The following NME7 variants were observed in gnomAD, a reference collection of about 807,000 sequenced individuals.
NME7 encodes the protein nucleoside diphosphate kinase 7.
NME7 carries 41 observed loss-of-function variants against 49.1 expected under a neutral mutation model. The ratio of observed to expected loss-of-function variants is 0.83; its 90% CI spans 0.65 to 1.08. The LOEUF is 1.08. Among genes scored for constraint, NME7 ranks in the 50% least tolerant of loss-of-function variants. The probability of loss-of-function intolerance (pLI) is 0.00; values close to 1 mark genes in which losing one functional copy is unlikely to be tolerated. For missense variants in NME7, 423 were observed against 463.4 expected (o/e 0.91, Z 0.80); for synonymous variants, 139 against 150.6 (o/e 0.92, Z 0.56).
intron 7 of NME7, chr1:169,283,829 T>G (rs1650147337): frequency 6.6e-6 from 1 of 152,242 alleles, no homozygotes; most frequent in African/African-American, 2.4e-5. Flanking sequence ...TTAGTCTGAA[T>G]GGGCTTCTCT....
chr1:169,288,723 A>C (rs1158879899), intron 6 of NME7, among the ~76,000 whole-genome samples: 1 of 152,160 alleles, frequency 6.6e-6, no homozygotes, highest in Non-Finnish European at 1.5e-5. Context: ...TAAGATACCA[A>C]CTGCCTTTCT....
At chr1:169,198,984 C>T (rs1156823264) in intron 10 of NME7, among the ~76,000 whole-genome samples, 1 of 151,706 alleles carries the variant, frequency 6.6e-6, no homozygotes, top group East Asian at 1.9e-4. Flanking sequence ...AATTATAAAA[C>T]AAAAAAGATG....
chr1:169,190,653 T>C (rs1571277895), intron 10 of NME7: 1 of 444,314 alleles, frequency 2.3e-6, no homozygotes, highest in East Asian at 7.3e-5. Context: ...GGAACAGAGA[T>C]GTCTTCTTTA....
intron 1 of NME7, among the ~76,000 whole-genome samples, chr1:169,355,059 ACTATAT>A (rs1653357598): frequency 1.4e-5 from 1 of 73,848 alleles, no homozygotes; most frequent in South Asian, 3.4e-4. Context: ...TATATAATAT[ACTATAT>A]ATTATAGATA....
At chr1:169,153,080 T>C (rs746886521) in intron 11 of NME7, among the ~76,000 whole-genome samples, 1 of 152,154 alleles carries the variant, frequency 6.6e-6, no homozygotes, top group Non-Finnish European at 1.5e-5. Flanking sequence ...GTTTTGGACT[T>C]AGACAAACTT....
chr1:169,201,628 C>G (rs1012273088), intron 10 of NME7, among the ~76,000 whole-genome samples: 2 of 152,134 alleles, frequency 1.3e-5, no homozygotes, highest in African/African-American at 4.8e-5. Flanking sequence ...CAAAGACACA[C>G]TTCAAGGTTT....
At chr1:169,360,163 T>C (rs1056106937) in intron 1 of NME7, among the ~76,000 whole-genome samples, 5 of 152,208 alleles carry the variant, frequency 3.3e-5, no homozygotes, top group African/African-American at 1.2e-4. Context: ...CATACCCATC[T>C]GGAATATGTA....
intron 10 of NME7, among the ~76,000 whole-genome samples, chr1:169,176,191 T>C (rs556059100): frequency 4.3e-4 from 66 of 152,194 alleles, no homozygotes; most frequent in South Asian, 1.2e-3. Context: ...TAATGAAAGA[T>C]GGGGAAGGAA....
intron 10 of NME7, among the ~76,000 whole-genome samples, chr1:169,213,220 C>T (rs951542514): frequency 6.6e-6 from 1 of 152,070 alleles, no homozygotes; most frequent in African/African-American, 2.4e-5. Flanking sequence ...ATATATTGAT[C>T]ATTAATATAT....
intron 3 of NME7, among the ~76,000 whole-genome samples, chr1:169,314,554 G>T (rs1051905989): frequency 6.6e-6 from 1 of 152,032 alleles, no homozygotes; most frequent in African/African-American, 2.4e-5. Context: ...TTAAAGCCAA[G>T]TATATTAGTA....
At chr1:169,161,934 G>T (rs780845916) in intron 11 of NME7, among the ~76,000 whole-genome samples, 1 of 150,942 alleles carries the variant, frequency 6.6e-6, no homozygotes, top group African/African-American at 2.4e-5. Flanking sequence ...CATCACTATC[G>T]TAAAACCTAA....
At chr1:169,200,241 A>G (rs971609315) in intron 10 of NME7, among the ~76,000 whole-genome samples, 1 of 152,088 alleles carries the variant, frequency 6.6e-6, no homozygotes, top group Non-Finnish European at 1.5e-5. Context: ...TTCTGTTGGA[A>G]ACATCCGGGA....
chr1:169,257,563 T>G (rs1231089895), intron 7 of NME7, among the ~76,000 whole-genome samples: 1 of 134,260 alleles, frequency 7.4e-6, no homozygotes, highest in Non-Finnish European at 1.8e-5. Context: ...CCGGAGCTGT[T>G]CCTATTCGGC....
At chr1:169,272,890 G>A (rs1269130411) in intron 7 of NME7, among the ~76,000 whole-genome samples, 1 of 132,858 alleles carries the variant, frequency 7.5e-6, no homozygotes, top group African/African-American at 2.5e-5. Flanking sequence ...CACAATGAAG[G>A]AACTAATTTT....
At chr1:169,204,938 T>C (rs1315424424) in intron 10 of NME7, among the ~76,000 whole-genome samples, 1 of 152,084 alleles carries the variant, frequency 6.6e-6, no homozygotes, top group Non-Finnish European at 1.5e-5. Flanking sequence ...TTCTTGAAGG[T>C]CATAAAACAA....
At chr1:169,241,256 C>A (rs1648075146) in intron 7 of NME7, among the ~76,000 whole-genome samples, 1 of 151,956 alleles carries the variant, frequency 6.6e-6, no homozygotes, top group Non-Finnish European at 1.5e-5. Flanking sequence ...TTTCCCCCTG[C>A]AGATGCATGA....
intron 1 of NME7, among the ~76,000 whole-genome samples, chr1:169,348,665 A>AAAAGCCATTTCAC (rs937624635): frequency 1.3e-5 from 2 of 152,082 alleles, no homozygotes; most frequent in African/African-American, 4.8e-5. Flanking sequence ...ATCCTGCCCA[A>AAAAGCCATTTCAC]AAAGCCATTT....
intron 1 of NME7, among the ~76,000 whole-genome samples, chr1:169,333,867 T>G (rs1434209814): frequency 6.6e-6 from 1 of 152,114 alleles, no homozygotes; most frequent in Non-Finnish European, 1.5e-5. Context: ...AACCCCCTAT[T>G]AAGACAAATC....
intron 4 of NME7, among the ~76,000 whole-genome samples, chr1:169,308,270 T>A (rs1401220503): frequency 2.0e-5 from 3 of 152,144 alleles, no homozygotes; most frequent in Non-Finnish European, 2.9e-5. Flanking sequence ...CGGAATCAGA[T>A]GTATTGAAGC....
Sources: allele counts gnomAD v4.1 joint callset (sites outside exome capture counted in the v4.1 genomes callset), GRCh38; gene constraint gnomAD v4.1.1; transcripts MANE v1.5; gene names NCBI Gene and HGNC (gene_info 2026-07-23, HGNC 2026-07-21).